The following DENND1A variants were observed in gnomAD, a reference collection of about 807,000 sequenced individuals.
DENND1A encodes the protein DENN domain-containing protein 1A.
A neutral mutation model predicts 113.7 loss-of-function variants in DENND1A; 51 were observed. That is an observed-to-expected ratio of 0.45 (90% confidence interval 0.36 to 0.57). The LOEUF (loss-of-function observed/expected upper bound fraction) is 0.57. Among genes scored for constraint, DENND1A ranks in the 20% least tolerant of loss-of-function variants. DENND1A has a pLI of 0.00. For missense variants in DENND1A, 1,258 were observed against 1,395.9 expected, an observed-to-expected ratio of 0.90 and a Z score of 1.57; for synonymous variants, 565 against 570.8, an observed-to-expected ratio of 0.99 and a Z score of 0.14.
rs72061275 is a variant in DENND1A at position 123,693,804 on chromosome 9, A to ATATTATTATTATTAT, written c.303-17030_303-17016dup. Among the ~76,000 whole-genome samples the ATATTATTATTATTAT allele has an allele frequency of 3.7e-3, 520 of 140,192 alleles. 2 individuals are homozygous for ATATTATTATTATTAT. Among genetic ancestry groups the ATATTATTATTATTAT allele is most frequent in the Middle Eastern group, 7.4e-3 (2 of 272 alleles). The allele number at this position is 140,192 out of a possible 152,430, so 92.0% of individuals were successfully genotyped here. On this transcript the variant is annotated intron_variant, in intron 5 of 23. Transcript: ENST00000394215. ...ATATCATCCACAAGTTTCATTAGCT[A>ATATTATTATTATTAT]TATTATTATTATTATTATTATTATT...
At chr9:123,732,318 C>G (rs2068237152) in intron 5 of DENND1A, among the ~76,000 whole-genome samples, 1 of 152,318 alleles carries the variant, frequency 6.6e-6, no homozygotes, top group Non-Finnish European at 1.5e-5. Context: ...AATAAACAAA[C>G]TATGAACACA....
At chr9:123,561,111 G>A (rs562536288) in intron 12 of DENND1A, among the ~76,000 whole-genome samples, 7 of 152,150 alleles carry the variant, frequency 4.6e-5, no homozygotes, top group Non-Finnish European at 8.8e-5. Context: ...AGCCACTGTC[G>A]CTCTCCTTCT....
At chr9:123,772,487 C>T (rs1391743344) in intron 3 of DENND1A, among the ~76,000 whole-genome samples, 1 of 152,086 alleles carries the variant, frequency 6.6e-6, no homozygotes, top group African/African-American at 2.4e-5. Context: ...GTTCTCTTTC[C>T]CGTTTCTCTT....
At chr9:123,885,626 C>A (rs1237878701) in intron 1 of DENND1A, among the ~76,000 whole-genome samples, 1 of 152,228 alleles carries the variant, frequency 6.6e-6, no homozygotes, top group Non-Finnish European at 1.5e-5. Context: ...ATACAAACAG[C>A]TAAAACGTTT....
intron 10 of DENND1A, among the ~76,000 whole-genome samples, chr9:123,620,232 A>AAAAAAAGAAAAAG (rs1554916731): frequency 8.7e-6 from 1 of 114,422 alleles, no homozygotes; most frequent in Non-Finnish European, 1.7e-5. Context: ...AAAAAAAAAA[A>AAAAAAAGAAAAAG]AAAAAAGAAA....
intron 2 of DENND1A, among the ~76,000 whole-genome samples, chr9:123,825,288 G>A (rs1029399509): frequency 7.3e-5 from 11 of 151,058 alleles, no homozygotes; most frequent in African/African-American, 2.4e-4. Context: ...AATGCTCCTG[G>A]GAACACTGAT....
chr9:123,882,341 T>A (rs1372072710), intron 1 of DENND1A, among the ~76,000 whole-genome samples: 12 of 134,210 alleles, frequency 8.9e-5, no homozygotes, highest in South Asian at 2.4e-4. Flanking sequence ...AAAAAAAAAA[T>A]CCCATTTGGG....
At chr9:123,434,635 G>A (rs893393155) in intron 19 of DENND1A, among the ~76,000 whole-genome samples, 4 of 152,304 alleles carry the variant, frequency 2.6e-5, no homozygotes, top group East Asian at 1.9e-4. Context: ...GACAAGCGGC[G>A]TGTGCATAGT....
At chr9:123,607,537 AGAGAGAGAGAGTGTGT>A (rs2060221515) in intron 11 of DENND1A, among the ~76,000 whole-genome samples, 1 of 127,062 alleles carries the variant, frequency 7.9e-6, no homozygotes, top group African/African-American at 3.0e-5. Flanking sequence ...AGAGAGAGAG[AGAGAGAGAGAGTGTGT>A]GTGTGTGTGT....
chr9:123,467,934 GCA>G (rs2049090678), intron 13 of DENND1A, among the ~76,000 whole-genome samples: 1 of 152,174 alleles, frequency 6.6e-6, no homozygotes, highest in East Asian at 1.9e-4. Context: ...AGCATTTTGT[GCA>G]CTCTCACTCC....
chr9:123,487,556 G>A (rs970032781), intron 13 of DENND1A, among the ~76,000 whole-genome samples: 1 of 152,178 alleles, frequency 6.6e-6, no homozygotes, highest in South Asian at 2.1e-4. Flanking sequence ...TCCTGGATGC[G>A]ATTGTCCTGT....
chr9:123,545,279 T>C (rs2056585955), intron 13 of DENND1A, among the ~76,000 whole-genome samples: 1 of 152,102 alleles, frequency 6.6e-6, no homozygotes, highest in Non-Finnish European at 1.5e-5. Context: ...TAGTCATATA[T>C]TTCAGAGAAT....
chr9:123,518,641 G>A (rs1418863363), intron 13 of DENND1A, among the ~76,000 whole-genome samples: 5 of 152,148 alleles, frequency 3.3e-5, no homozygotes, highest in African/African-American at 7.2e-5. Flanking sequence ...GACTGGACAA[G>A]AGAGCCCATG....
intron 8 of DENND1A, among the ~76,000 whole-genome samples, chr9:123,656,922 G>A (rs142920832): frequency 2.6e-5 from 4 of 152,274 alleles, no homozygotes; most frequent in African/African-American, 9.6e-5. Flanking sequence ...TCCTACTCAT[G>A]GAGTTTAAAC....
At chr9:123,601,151 C>T (rs2059919501) in intron 11 of DENND1A, among the ~76,000 whole-genome samples, 1 of 152,148 alleles carries the variant, frequency 6.6e-6, no homozygotes, top group African/African-American at 2.4e-5. Flanking sequence ...TGGGATTCTC[C>T]TCATCATTAC....
chr9:123,403,551 C>A, intron 20 of DENND1A, 61 bp from the exon 21 acceptor site: 2 of 1,470,300 alleles, frequency 1.4e-6, no homozygotes, highest in Non-Finnish European at 1.9e-6. Flanking sequence ...CATACAGGTA[C>A]ATTCTGAACA....
At chr9:123,773,372 C>T (rs1294576701) in intron 3 of DENND1A, among the ~76,000 whole-genome samples, 1 of 152,164 alleles carries the variant, frequency 6.6e-6, no homozygotes, top group Non-Finnish European at 1.5e-5. Context: ...TTTGGATTCA[C>T]TTCATCCAAT....
At chr9:123,592,443 T>G (rs2059501195) in intron 11 of DENND1A, among the ~76,000 whole-genome samples, 1 of 152,240 alleles carries the variant, frequency 6.6e-6, no homozygotes, top group Non-Finnish European at 1.5e-5. Flanking sequence ...TTAGACTTCC[T>G]GTGCCTCAGT....
At chr9:123,820,165 T>A (rs1254293677) in intron 2 of DENND1A, among the ~76,000 whole-genome samples, 3 of 152,184 alleles carry the variant, frequency 2.0e-5, no homozygotes, top group Admixed American at 2.0e-4. Flanking sequence ...TGTAAGCCAG[T>A]ATGATAGGTT....
Sources: gnomAD v4.1 joint callset for allele counts (sites outside exome capture counted in the v4.1 genomes callset) on GRCh38, gnomAD v4.1.1 for gene constraint, MANE v1.5 for transcripts, NCBI Gene and HGNC (gene_info 2026-07-23, HGNC 2026-07-21) for gene names.